RTTN: variants seen among roughly 807,000 people sequenced by gnomAD.
RTTN encodes the protein rotatin.
In RTTN, 182 loss-of-function variants were observed where a neutral mutation model predicts 269.2. That is an observed-to-expected ratio of 0.68 (90% CI 0.60 to 0.76). RTTN has a LOEUF of 0.76. Ranked by LOEUF, RTTN falls within the 30% of genes least tolerant of loss-of-function variation. The probability of loss-of-function intolerance (pLI) is 0.00; values close to 1 mark genes in which losing one functional copy is unlikely to be tolerated. For synonymous variants in RTTN, 1,006 were observed against 963.5 expected (o/e 1.04, Z -0.82); for missense variants, 2,545 against 2,608.6 (o/e 0.98, Z 0.53).
chr18:70,012,081 C>CAG (rs2056395274), intron 46 of RTTN, among the ~76,000 whole-genome samples: 4 of 80,268 alleles, frequency 5.0e-5, no homozygotes, highest in African/African-American at 8.7e-5. Context: ...GTATTGGTTA[C>CAG]AGGGCAGCAT....
chr18:70,168,025 A>G (rs544849111), intron 12 of RTTN, among the ~76,000 whole-genome samples: 1 of 151,624 alleles, frequency 6.6e-6, no homozygotes, highest in East Asian at 2.0e-4. Flanking sequence ...GCATGTGCCT[A>G]TAGTACTAGT....
intron 28 of RTTN, among the ~76,000 whole-genome samples, chr18:70,099,503 G>C (rs967037094): frequency 1.3e-5 from 2 of 150,666 alleles, no homozygotes; most frequent in Non-Finnish European, 3.0e-5. Flanking sequence ...TGCGTAGATT[G>C]CAAAAATTTT....
At chr18:70,063,277 T>A (rs2058042138) in intron 35 of RTTN, among the ~76,000 whole-genome samples, 1 of 152,244 alleles carries the variant, frequency 6.6e-6, no homozygotes, top group Non-Finnish European at 1.5e-5. Flanking sequence ...AATACTTAAT[T>A]GTTGGCAATT....
At chr18:70,072,067 C>A (rs1318539337) in intron 34 of RTTN, among the ~76,000 whole-genome samples, 2 of 152,062 alleles carry the variant, frequency 1.3e-5, no homozygotes, top group Non-Finnish European at 2.9e-5. Flanking sequence ...GTAACACTGG[C>A]AGAATGAAAA....
chr18:70,176,090 C>T (rs758156102), intron 11 of RTTN, among the ~76,000 whole-genome samples: 7 of 151,800 alleles, frequency 4.6e-5, no homozygotes, highest in Non-Finnish European at 7.4e-5. Context: ...AAAATGTATT[C>T]GTATATTAAG....
At chr18:70,057,658 T>A in intron 37 of RTTN, 84 bp downstream of exon 37, 1 of 940,046 alleles carries the variant, frequency 1.1e-6, no homozygotes, top group Non-Finnish European at 1.7e-6. Context: ...TTCATCCTTT[T>A]CCTATGACTA....
At chr18:70,112,501 A>AAAAG (rs1938926184) in intron 27 of RTTN, among the ~76,000 whole-genome samples, 1 of 148,904 alleles carries the variant, frequency 6.7e-6, no homozygotes, top group African/African-American at 2.4e-5. Context: ...AAAAAAAAAA[A>AAAAG]GCAAGAGCTA....
intron 18 of RTTN, among the ~76,000 whole-genome samples, chr18:70,142,670 G>A (rs1394049983): frequency 6.6e-6 from 1 of 152,122 alleles, no homozygotes; most frequent in Non-Finnish European, 1.5e-5. Context: ...ACCAGTATCT[G>A]CTATTTTTTG....
intron 43 of RTTN, among the ~76,000 whole-genome samples, chr18:70,026,185 A>G (rs1342914398): frequency 1.3e-5 from 2 of 152,262 alleles, no homozygotes; most frequent in South Asian, 4.2e-4. Flanking sequence ...GTTGCCAACA[A>G]CGCTTAAGCA....
rs577355876 is a variant in RTTN at position 70,115,510 on chromosome 18, G to A, written c.3529-911C>T. Among the ~76,000 whole-genome samples the A allele has an allele frequency of 4.6e-4, 39 of 85,292 alleles. No individual in the cohort carries two copies. The East Asian group carries it at 0.017, about 37-fold the overall frequency. 56.0% of individuals were successfully genotyped at this position (85,292 alleles called of 152,430 possible). ...TTTATTAATCATCTATGATGCCTCA[G>A]GCACTGTGCTAAAAAAAAAAGATAG... On this transcript the variant is annotated intron_variant, in intron 26 of 48. Coordinates refer to ENST00000640769, the MANE Select transcript of RTTN (RefSeq NM_173630.4).
At chr18:70,153,768 T>A (rs905845812) in intron 14 of RTTN, among the ~76,000 whole-genome samples, 1 of 152,298 alleles carries the variant, frequency 6.6e-6, no homozygotes, top group South Asian at 2.1e-4. Context: ...CAAGATACTA[T>A]ATCTTTATGA....
chr18:70,102,253 G>C (rs2059189072), intron 28 of RTTN, among the ~76,000 whole-genome samples: 1 of 152,122 alleles, frequency 6.6e-6, no homozygotes. Context: ...TATGAATCTG[G>C]GTGCTCCTGT....
At chr18:70,149,884 T>C in intron 16 of RTTN, 87 bp downstream of exon 16, 1 of 924,232 alleles carries the variant, frequency 1.1e-6, no homozygotes, top group Non-Finnish European at 1.8e-6. Flanking sequence ...TCTCACAACT[T>C]GACAGTTTAG....
chr18:70,017,649 G>A lies in RTTN; in HGVS notation c.6179C>T (p.Ser2060Phe), dbSNP rs747763973. The A allele has an allele frequency of 1.6e-5, 25 of 1,612,642 alleles. No homozygotes were observed. Among genetic ancestry groups the A allele is most frequent in the Admixed American group, 5.0e-5 (3 of 59,898 alleles). Residue 2060 changes from serine (S) to phenylalanine (F), a missense_variant, in exon 46 of 49, where the codon TCT becomes TTT. Ser to Phe is a radical substitution (Grantham distance 155). Transcript: ENST00000640769. ...ATTTCCTCCTTTTGGCAATGCTAGA[G>A]AGAGGAAGTTCTGTAAGAAGTTACT... ...QKSNFLQNFLSLALPKGGNKH... is the reference protein window; with the variant it reads ...QKSNFLQNFLFLALPKGGNKH...
intron 40 of RTTN, chr18:70,031,317 C>A (rs2057006249): frequency 5.0e-6 from 2 of 401,662 alleles, no homozygotes; most frequent in Middle Eastern, 6.2e-4. Context: ...TAAAATGGGT[C>A]CTTGTAAAAC....
Position 70,121,616 on chromosome 18 carries a change from T to C in RTTN, c.3468A>G (p.Glu1156=), listed in dbSNP as rs773872068. The C allele has an allele frequency of 6.3e-7, 1 of 1,583,700 alleles. No individual in the cohort carries two copies. Among genetic ancestry groups the C allele is most frequent in the Non-Finnish European group, 8.5e-7 (1 of 1,170,978 alleles). The change falls in exon 26 of 49, where the codon GAA becomes GAG. Residue 1156 remains glutamate (E), a synonymous_variant. Coordinates refer to ENST00000640769, the MANE Select transcript of RTTN (RefSeq NM_173630.4). ...IIHFLNKLIK[E]QRKNSSLELL... is the part of the protein sequence containing the mutation. ...GTTCTAGTGAAGAATTTTTTCTTTG[T>C]TCCTTTATTAATTTATTTAAAAAAT...
intron 38 of RTTN, among the ~76,000 whole-genome samples, chr18:70,051,870 A>G (rs1404728400): frequency 2.6e-5 from 4 of 152,226 alleles, no homozygotes; most frequent in Non-Finnish European, 5.9e-5. Context: ...ACATATTGGC[A>G]CATTATAAAA....
At chr18:70,153,730 A>G (rs1301863650) in intron 14 of RTTN, among the ~76,000 whole-genome samples, 1 of 152,216 alleles carries the variant, frequency 6.6e-6, no homozygotes, top group Non-Finnish European at 1.5e-5. Flanking sequence ...TTAAAGTGAA[A>G]TGCCTTTACA....
At chr18:70,188,751 A>C (rs1292314326) in intron 9 of RTTN, among the ~76,000 whole-genome samples, 1 of 152,212 alleles carries the variant, frequency 6.6e-6, no homozygotes, top group African/African-American at 2.4e-5. Context: ...AAACTCAAAA[A>C]AACTTCCCAA....
Sources: gnomAD v4.1 joint callset for allele counts (sites outside exome capture counted in the v4.1 genomes callset) on GRCh38, gnomAD v4.1.1 for gene constraint, MANE v1.5 for transcripts, NCBI Gene and HGNC (gene_info 2026-07-23, HGNC 2026-07-21) for gene names.